Variants in TBC1D22A observed in about 807,000 individuals in gnomAD.
TBC1D22A encodes putative GTPase activator.
TBC1D22A carries 38 observed loss-of-function variants against 60.2 expected under a neutral mutation model. That is an observed-to-expected ratio of 0.63 (90% CI 0.49 to 0.83). The LOEUF (loss-of-function observed/expected upper bound fraction) is 0.83, where lower values mean the gene tolerates loss of function less well. Among genes scored for constraint, TBC1D22A ranks in the 40% least tolerant of loss-of-function variants. TBC1D22A has a pLI of 0.00. For synonymous variants in TBC1D22A, 302 were observed against 281.7 expected (o/e 1.07, Z -0.72); for missense variants, 628 against 701.0 (o/e 0.90, Z 1.18).
intron 12 of TBC1D22A, among the ~76,000 whole-genome samples, chr22:47,135,633 G>A (rs1326972227): frequency 6.6e-6 from 1 of 152,246 alleles, no homozygotes; most frequent in Non-Finnish European, 1.5e-5. Context: ...CCACAGGGCT[G>A]GTAGCCATGG....
At chr22:46,846,759 G>A (rs536243121) in intron 4 of TBC1D22A, among the ~76,000 whole-genome samples, 22 of 150,894 alleles carry the variant, frequency 1.5e-4, no homozygotes, top group African/African-American at 4.4e-4. Context: ...ATCTTCACCC[G>A]GATTCGGCGG....
chr22:47,059,465 A>T (rs2063501726), intron 11 of TBC1D22A, among the ~76,000 whole-genome samples: 1 of 152,316 alleles, frequency 6.6e-6, no homozygotes, highest in East Asian at 1.9e-4. Flanking sequence ...AGCTGCATGT[A>T]AAAGTTTTAA....
At chr22:46,782,300 G>T (rs546202752) in intron 1 of TBC1D22A, among the ~76,000 whole-genome samples, 10 of 152,302 alleles carry the variant, frequency 6.6e-5, no homozygotes, top group African/African-American at 2.2e-4. Context: ...TGATCTGCCT[G>T]CCTCGGCCTC....
intron 1 of TBC1D22A, among the ~76,000 whole-genome samples, chr22:46,772,980 G>T (rs1322159843): frequency 2.0e-5 from 3 of 152,204 alleles, no homozygotes; most frequent in Non-Finnish European, 4.4e-5. Flanking sequence ...GTGTTGAAAA[G>T]AAGTCATCTC....
intron 1 of TBC1D22A, among the ~76,000 whole-genome samples, chr22:46,779,927 GT>G (rs2083867596): frequency 6.6e-6 from 1 of 152,366 alleles, no homozygotes; most frequent in African/African-American, 2.4e-5. Context: ...GGTACCACAT[GT>G]TTCTGCTGTT....
Position 46,990,283 on chromosome 22 carries a change from TTTG to T in TBC1D22A, c.1126-7348_1126-7346del, listed in dbSNP as rs2074890303. Among the ~76,000 whole-genome samples, 1 of 152,208 alleles carries T rather than the reference TTTG, an allele frequency of 6.6e-6. No individual in the cohort carries two copies. Among genetic ancestry groups the T allele is most frequent in the South Asian group, 2.1e-4 (1 of 4,834 alleles). ...TCCTATTTACTTTCATCTTTTCTTATTTGTTCTTTTTTCCCTACCTTCTTTGGA... is the reference window on the plus strand; with the variant it reads ...TCCTATTTACTTTCATCTTTTCTTATTTCTTTTTTCCCTACCTTCTTTGGA... On this transcript the variant is annotated intron_variant, in intron 9 of 12. Transcript: ENST00000337137. The surrounding 1 kb of genome is among the most constrained non-coding windows in gnomAD (Gnocchi z 4.6).
chr22:47,147,346 C>T (rs897282174), intron 12 of TBC1D22A, among the ~76,000 whole-genome samples: 1 of 152,234 alleles, frequency 6.6e-6, no homozygotes, highest in East Asian at 1.9e-4. Flanking sequence ...ATTTCTGTGA[C>T]TCCTGTTACC....
intron 8 of TBC1D22A, among the ~76,000 whole-genome samples, chr22:46,953,971 G>A (rs1193428701): frequency 2.6e-5 from 4 of 152,232 alleles, no homozygotes; most frequent in Non-Finnish European, 5.9e-5. Context: ...CACTTAACTA[G>A]GAGGTAGCAG....
intron 11 of TBC1D22A, among the ~76,000 whole-genome samples, chr22:47,111,217 G>C (rs952488069): frequency 1.3e-5 from 2 of 152,196 alleles, no homozygotes; most frequent in African/African-American, 2.4e-5. Flanking sequence ...ATCCTTTTTG[G>C]CTATTGTCTG....
At chr22:47,080,400 G>A (rs2064415253) in intron 11 of TBC1D22A, among the ~76,000 whole-genome samples, 1 of 152,178 alleles carries the variant, frequency 6.6e-6, no homozygotes, top group Non-Finnish European at 1.5e-5. Flanking sequence ...GTTATATGGA[G>A]TATGTTATCT....
intron 8 of TBC1D22A, among the ~76,000 whole-genome samples, chr22:46,933,544 T>C (rs1001182460): frequency 1.3e-4 from 20 of 152,302 alleles, no homozygotes; most frequent in African/African-American, 4.6e-4. Context: ...TTCTTCTTCC[T>C]CTCCTGAGTC....
chr22:47,042,725 G>T (rs1010719883), intron 11 of TBC1D22A, among the ~76,000 whole-genome samples: 1 of 152,254 alleles, frequency 6.6e-6, no homozygotes, highest in East Asian at 1.9e-4. Flanking sequence ...GGGCCACACA[G>T]ACCCCTGCGG....
At chr22:47,099,932 A>G (rs1488276140) in intron 11 of TBC1D22A, among the ~76,000 whole-genome samples, 2 of 152,110 alleles carry the variant, frequency 1.3e-5, no homozygotes, top group African/African-American at 4.8e-5. Flanking sequence ...GGTGTTTGAC[A>G]CGGGCCCCAA....
intron 5 of TBC1D22A, among the ~76,000 whole-genome samples, chr22:46,884,682 GA>G (rs1602307275): frequency 1.3e-5 from 2 of 152,216 alleles, no homozygotes; most frequent in Non-Finnish European, 1.5e-5. Context: ...CTGTATAAAG[GA>G]AAACACATAG....
intron 10 of TBC1D22A, among the ~76,000 whole-genome samples, chr22:47,007,049 C>T (rs369042901): frequency 2.6e-5 from 4 of 152,132 alleles, no homozygotes; most frequent in African/African-American, 7.2e-5. Context: ...CTCGATGGTG[C>T]GGTACACCTG....
intron 9 of TBC1D22A, among the ~76,000 whole-genome samples, chr22:46,979,355 C>G (rs1165243926): frequency 6.6e-6 from 1 of 152,182 alleles, no homozygotes; most frequent in Non-Finnish European, 1.5e-5. Flanking sequence ...AAGTGACAGG[C>G]CAACTTCATT....
chr22:47,130,378 C>T (rs951587731), intron 12 of TBC1D22A, among the ~76,000 whole-genome samples: 1 of 152,154 alleles, frequency 6.6e-6, no homozygotes, highest in Non-Finnish European at 1.5e-5. Context: ...CACTGTCTTC[C>T]TTGTCCGGTA....
In TBC1D22A at chr22:46,878,681, A is replaced by G; in HGVS notation, c.666A>G (p.Gly222=). Residue 222 remains glycine, a synonymous_variant, in exon 5 of 13, where the codon GGA becomes GGG. Transcript: ENST00000337137. ...LEELRRLSWS[G]IPKPVRPMTW... ...AATTACGGAGGTTGAGCTGGTCCGG[A>G]ATCCCTAAGCCAGTGCGTCCAATGA... 6.2e-7 allele frequency: 1 copy of G among 1,613,222 alleles called. No individual in the cohort carries two copies. Among genetic ancestry groups the G allele is most frequent in the Non-Finnish European group, 8.5e-7 (1 of 1,179,860 alleles).
chr22:47,103,301 C>T (rs561331886), intron 11 of TBC1D22A, among the ~76,000 whole-genome samples: 90 of 152,242 alleles, frequency 5.9e-4, no homozygotes, highest in African/African-American at 2.1e-3. Context: ...GCATGTGCCG[C>T]GGAGACATGG....
Sources: allele counts gnomAD v4.1 joint callset (sites outside exome capture counted in the v4.1 genomes callset), GRCh38; gene constraint gnomAD v4.1.1; non-coding constraint Gnocchi (gnomAD v3.1); transcripts MANE v1.5; gene names NCBI Gene and HGNC (gene_info 2026-07-23, HGNC 2026-07-21).